Variants in NF1 observed in about 807,000 individuals in gnomAD.
NF1 encodes neurofibromin 1.
Under a neutral mutation model 325.7 loss-of-function variants are expected in NF1, and 122 were observed. The ratio of observed to expected loss-of-function variants is 0.37; its 90% CI spans 0.32 to 0.44. NF1 has a LOEUF of 0.44. Ranked by LOEUF, NF1 falls within the 20% of genes least tolerant of loss-of-function variation. The pLI is 1.00. For missense variants in NF1, 2,140 were observed against 3,415.4 expected (o/e 0.63, Z 9.31); for synonymous variants, 1,091 against 1,186.0 (o/e 0.92, Z 1.65).
At chr17:31,157,508 A>C (rs1387799603) in intron 2 of NF1, among the ~76,000 whole-genome samples, 1 of 152,200 alleles carries the variant, frequency 6.6e-6, no homozygotes, top group Non-Finnish European at 1.5e-5. Flanking sequence ...TTTAACTGGC[A>C]TACAATAATT....
chr17:31,153,023 A>T (rs1917056122), intron 1 of NF1, among the ~76,000 whole-genome samples: 2 of 152,102 alleles, frequency 1.3e-5, no homozygotes, highest in East Asian at 3.9e-4. Flanking sequence ...TGAAATAAAA[A>T]AAAAATGGTC....
intron 1 of NF1, among the ~76,000 whole-genome samples, chr17:31,112,948 C>T (rs1913550749): frequency 6.6e-6 from 1 of 151,884 alleles, no homozygotes; most frequent in South Asian, 2.1e-4. Flanking sequence ...ATGCCAATAC[C>T]ACATAGTCTT....
chr17:31,225,780 T>C (rs2067002659), intron 17 of NF1, among the ~76,000 whole-genome samples: 1 of 152,210 alleles, frequency 6.6e-6, no homozygotes, highest in East Asian at 1.9e-4. Context: ...ACCAAAACTT[T>C]TTTCATTCCT....
At chr17:31,218,873 A>C in intron 13 of NF1, 132 bp from the exon 14 acceptor site, 2 of 897,672 alleles carry the variant, frequency 2.2e-6, no homozygotes, top group Non-Finnish European at 3.5e-6. Flanking sequence ...CGTCCAGCCT[A>C]GTTCTAGAAC....
intron 36 of NF1, chr17:31,278,288 A>G (rs1455189591): frequency 2.0e-5 from 3 of 152,102 alleles, no homozygotes; most frequent in Non-Finnish European, 4.4e-5. Flanking sequence ...GAGAATGATC[A>G]TAAATTTCAT....
At chr17:31,224,232 GT>G (rs17884239) in intron 16 of NF1, among the ~76,000 whole-genome samples, 45 of 152,250 alleles carry the variant, frequency 3.0e-4, no homozygotes, top group African/African-American at 1.1e-3. Context: ...ACATGGTGAG[GT>G]TGTGGAAGAT....
At chr17:31,370,066 C>T (rs2070604225) in intron 57 of NF1, among the ~76,000 whole-genome samples, 1 of 152,010 alleles carries the variant, frequency 6.6e-6, no homozygotes, top group African/African-American at 2.4e-5. Context: ...TACAGTAAAA[C>T]ATCTTTGCTG....
At position 31,357,105 on chromosome 17, in the gene NF1, T is replaced by C. The variant is rs756588749; in HGVS notation, c.7869+15T>C. The C allele has an allele frequency of 3.1e-6, 5 of 1,612,660 alleles. No homozygotes were observed. Among genetic ancestry groups the C allele is most frequent in the Non-Finnish European group, 4.2e-6 (5 of 1,179,880 alleles). ...TTACTGTTCTAGTAAGGATTTCCCCTTTTTGAGTCCCCCACCCTCAAATTT... is the reference window on the plus strand; with the variant it reads ...TTACTGTTCTAGTAAGGATTTCCCCCTTTTGAGTCCCCCACCCTCAAATTT... On this transcript the variant is annotated intron_variant, in intron 53 of 57. Transcript: ENST00000358273.
At chr17:31,286,220 G>A (rs776030781) in intron 36 of NF1, among the ~76,000 whole-genome samples, 9 of 151,988 alleles carry the variant, frequency 5.9e-5, no homozygotes, top group Non-Finnish European at 1.0e-4. Context: ...TCAGCCTCCC[G>A]AGTAGCTGGG....
Position 31,232,320 on chromosome 17 carries a change from A to G in NF1, c.3314+131A>G. ...TAACTGTGTTTTGTGATTTTTTTAAAGAAAGTAATATGATCAGTGAAATTT... is the reference window on the plus strand; with the variant it reads ...TAACTGTGTTTTGTGATTTTTTTAAGGAAAGTAATATGATCAGTGAAATTT... On this transcript the variant is annotated intron_variant, in intron 25 of 57. Transcript: ENST00000358273. 3 of 679,922 alleles carry G rather than the reference A, an allele frequency of 4.4e-6. No homozygotes were observed. The South Asian group carries it at 5.4e-5, about 12-fold the overall frequency. 42.1% of individuals were successfully genotyped at this position (679,922 alleles called of 1,614,324 possible).
chr17:31,252,858 T>A (rs2067519445), intron 30 of NF1, 80 bp from the exon 31 acceptor site: 1 of 1,164,134 alleles, frequency 8.6e-7, no homozygotes, highest in African/African-American at 1.5e-5. Context: ...ATGGTGTAAT[T>A]TTATGTACAA....
At chr17:31,211,115 G>A (rs1378176939) in intron 12 of NF1, among the ~76,000 whole-genome samples, 1 of 152,014 alleles carries the variant, frequency 6.6e-6, no homozygotes, top group Non-Finnish European at 1.5e-5. Flanking sequence ...AAGTGGTTTG[G>A]GCCTTTAATA....
In NF1 at chr17:31,358,592, C is replaced by T. The variant is rs772707560; in HGVS notation, c.8083C>T (p.Pro2695Ser). Residue 2695 changes from proline to serine, a missense_variant, in exon 55 of 58, where the codon CCA becomes TCA. Physicochemically the swap from Pro to Ser is moderately conservative, Grantham distance 74 (BLOSUM62 -1). Transcript: ENST00000358273. ...VQSVVYHEES[P>S]PQYQTSYLQS... ...GAGTGTGGTGTACCATGAAGAATCCCCACCACAATACCAAACATCTTACCT... is the reference window on the plus strand; with the variant it reads ...GAGTGTGGTGTACCATGAAGAATCCTCACCACAATACCAAACATCTTACCT... 6.2e-7 allele frequency: 1 copy of T among 1,613,942 alleles called. No individual in the cohort carries two copies. Among genetic ancestry groups the T allele is most frequent in the Non-Finnish European group, 8.5e-7 (1 of 1,179,916 alleles).
At chr17:31,253,068 A>G in intron 31 of NF1, 68 bp downstream of exon 31, 1 of 1,256,472 alleles carries the variant, frequency 8.0e-7, no homozygotes, top group Non-Finnish European at 1.1e-6. Flanking sequence ...GCTGTTTGTT[A>G]AGAATATCTT....
rs377134260 is a variant in NF1, at chr17:31,104,803, C to T, written c.60+9434C>T. Among the ~76,000 whole-genome samples, 26 of 152,268 alleles carry T rather than the reference C, an allele frequency of 1.7e-4. No homozygotes were observed. In the East Asian group the frequency reaches 2.7e-3, roughly 16 times the overall value. On this transcript the variant is annotated intron_variant, in intron 1 of 57. Transcript: ENST00000358273. ...CTATAACTGCTGTTTATAGTACCCT[C>T]GCTAAATTCTCTTAAAGGCAATCCA...
intron 1 of NF1, among the ~76,000 whole-genome samples, chr17:31,141,236 G>A (rs1200650005): frequency 6.6e-6 from 1 of 151,426 alleles, no homozygotes; most frequent in African/African-American, 2.4e-5. Flanking sequence ...GTTGGGGCAG[G>A]GATCAGGCTT....
At chr17:31,170,048 A>G (rs2065905771) in intron 5 of NF1, 51 bp downstream of exon 5, 2 of 1,143,666 alleles carry the variant, frequency 1.7e-6, no homozygotes, top group Non-Finnish European at 2.6e-6. Context: ...GTCAAAAACT[A>G]GTATCATGAA....
Position 31,259,032 on chromosome 17 carries a change from A to G in NF1, c.4333A>G (p.Ile1445Val). The G allele has an allele frequency of 3.2e-6, 5 of 1,580,534 alleles. No homozygotes were observed. The highest frequency in any genetic ancestry group is 4.3e-6 in the Non-Finnish European group (5 of 1,154,990). The part of the protein sequence containing the change: ...IERGLKLMSK[I>V]LQSIANHVLF... ...TTTATAACCCTGTTTTATTGTGTAG[A>G]TACTTCAGAGTATTGCCAATCATGT... Residue 1445 changes from isoleucine (I) to valine (V), a missense_variant and splice_region_variant, in exon 33 of 58, where the codon ATA (isoleucine) becomes GTA (valine). Around this residue, in one of 10 missense-constraint regions of NF1, gnomAD observed 336 missense variants for 399.0 expected, o/e 0.84. Coordinates refer to ENST00000358273, the MANE Select transcript of NF1 (RefSeq NM_001042492.3).
intron 36 of NF1, among the ~76,000 whole-genome samples, chr17:31,311,750 T>C (rs2068882344): frequency 6.6e-6 from 1 of 152,204 alleles, no homozygotes; most frequent in African/African-American, 2.4e-5. Context: ...CAGCTCTAAG[T>C]AGTGGCACTA....
Sources: gnomAD v4.1 joint callset for allele counts (sites outside exome capture counted in the v4.1 genomes callset) on GRCh38, gnomAD v4.1.1 for gene constraint, gnomAD v4.1.1 regional missense constraint, MANE v1.5 for transcripts, NCBI Gene and HGNC (gene_info 2026-07-23, HGNC 2026-07-21) for gene names.